The following E2F5 variants were observed in gnomAD, a reference collection of about 807,000 sequenced individuals.
E2F5 encodes the protein transcription factor E2F5.
Under a neutral mutation model 39.1 loss-of-function variants are expected in E2F5, and 23 were observed. The ratio of observed to expected loss-of-function variants is 0.59; its 90% CI spans 0.42 to 0.83. The LOEUF (loss-of-function observed/expected upper bound fraction) is 0.83, where lower values mean the gene tolerates loss of function less well. Ranked by LOEUF, E2F5 falls within the 40% of genes least tolerant of loss-of-function variation. E2F5 has a pLI of 0.00. For synonymous variants in E2F5, 145 were observed against 157.8 expected (o/e 0.92, Z 0.61); for missense variants, 365 against 406.7 (o/e 0.90, Z 0.88).
At chr8:85,184,079 A>T (rs1349745090) in intron 1 of E2F5, among the ~76,000 whole-genome samples, 2 of 152,120 alleles carry the variant, frequency 1.3e-5, no homozygotes, top group Non-Finnish European at 1.5e-5. Flanking sequence ...AAAAAAAGAA[A>T]ATGTCAGGCC....
At chr8:85,178,040 A>G (rs913289879) in intron 1 of E2F5, 1 of 154,694 alleles carries the variant, frequency 6.5e-6, no homozygotes, top group African/African-American at 2.4e-5. Context: ...GCCCGGAGAC[A>G]CCGTGGATAT....
At chr8:85,191,948 C>T (rs555527117) in intron 1 of E2F5, among the ~76,000 whole-genome samples, 1 of 152,166 alleles carries the variant, frequency 6.6e-6, no homozygotes, top group Non-Finnish European at 1.5e-5. Context: ...CATGTGGGTA[C>T]ATTTGAGAGG....
At chr8:85,186,874 A>G (rs1476944497) in intron 1 of E2F5, among the ~76,000 whole-genome samples, 2 of 148,830 alleles carry the variant, frequency 1.3e-5, no homozygotes, top group Admixed American at 6.7e-5. Context: ...TATAAGGTGT[A>G]TATATATGGT....
At chr8:85,209,118 T>G in intron 5 of E2F5, 24 bp from the exon 6 acceptor site, 1 of 1,605,364 alleles carries the variant, frequency 6.2e-7, no homozygotes, top group African/African-American at 1.3e-5. Flanking sequence ...ATTATACATT[T>G]GTTTATACCC....
At position 85,186,547 on chromosome 8, in the gene E2F5, G is replaced by GTA. The variant is rs1392579580; in HGVS notation, c.234+8898_234+8899dup. 8.8e-5 allele frequency among the ~76,000 whole-genome samples: 13 copies of GTA among 148,492 alleles called. 1 individual carries two copies. The highest frequency in any genetic ancestry group is 3.2e-4 in the African/African-American group (13 of 40,404). ...TATATGTACGGTATATATATATATG[G>GTA]TATATACATAAGGTATATATATGGT... is the stretch of plus-strand genomic sequence containing the variant. On this transcript the variant is annotated intron_variant, in intron 1 of 7. Coordinates refer to ENST00000416274, the MANE Select transcript of E2F5 (RefSeq NM_001951.4).
At chr8:85,181,973 A>AT (rs1273794166) in intron 1 of E2F5, among the ~76,000 whole-genome samples, 1 of 145,880 alleles carries the variant, frequency 6.9e-6, no homozygotes, top group Non-Finnish European at 1.5e-5. Context: ...AAAAAAAAAA[A>AT]CATGGCTCAA....
intron 2 of E2F5, 45 bp from the exon 3 acceptor site, chr8:85,203,049 A>G (rs1050092784): frequency 7.5e-7 from 1 of 1,326,492 alleles, no homozygotes; most frequent in Non-Finnish European, 9.8e-7. Flanking sequence ...AGTGATATTA[A>G]CCTAGATCTG....
chr8:85,178,543 G>A (rs1440383841), intron 1 of E2F5, among the ~76,000 whole-genome samples: 1 of 152,172 alleles, frequency 6.6e-6, no homozygotes, highest in Non-Finnish European at 1.5e-5. Flanking sequence ...CACTCCGCGC[G>A]AAGTTTAAGA....
In E2F5 at chr8:85,177,861, G is replaced by A. The variant is rs537366838; in HGVS notation, c.234+207G>A. 18 of 920,896 alleles carry A rather than the reference G, an allele frequency of 2.0e-5. No individual in the cohort carries two copies. The African/African-American group carries it at 3.0e-4, about 15-fold the overall frequency. 57.0% of individuals were successfully genotyped at this position (920,896 alleles called of 1,614,324 possible). On this transcript the variant is annotated intron_variant, in intron 1 of 7. Coordinates refer to ENST00000416274, the MANE Select transcript of E2F5 (RefSeq NM_001951.4). ...CGAGGGACCAGGATGGCACCGAGCG[G>A]ACGCGTAACCAATGGGGCCCGGCGC...
At chr8:85,191,842 T>C (rs891098609) in intron 1 of E2F5, among the ~76,000 whole-genome samples, 1 of 152,222 alleles carries the variant, frequency 6.6e-6, no homozygotes, top group African/African-American at 2.4e-5. Context: ...GCCAGTCCAT[T>C]ATAAGCTTTC....
Position 85,214,438 on chromosome 8 carries a change from T to C in E2F5, c.*576T>C. 1 of 716,234 alleles carries C rather than the reference T, an allele frequency of 1.4e-6. No individual in the cohort carries two copies. The highest frequency in any genetic ancestry group is 1.8e-5 in the African/African-American group (1 of 55,400). 44.4% of individuals were successfully genotyped at this position (716,234 alleles called of 1,614,324 possible). ...TTTCCTAGGTTATAGGAAAGATCTGTTTATGTAGTTTGTTTTTAAAATGTG... is the reference window on the plus strand; with the variant it reads ...TTTCCTAGGTTATAGGAAAGATCTGCTTATGTAGTTTGTTTTTAAAATGTG... On this transcript the variant is annotated 3_prime_UTR_variant, in exon 8 of 8. Coordinates refer to ENST00000416274, the MANE Select transcript of E2F5 (RefSeq NM_001951.4).
At chr8:85,190,902 G>A (rs141424589) in intron 1 of E2F5, among the ~76,000 whole-genome samples, 17 of 152,256 alleles carry the variant, frequency 1.1e-4, no homozygotes, top group East Asian at 9.7e-4. Context: ...AACCAAAGAG[G>A]TGGAAGCTTG....
intron 1 of E2F5, among the ~76,000 whole-genome samples, chr8:85,192,087 CAG>C: frequency 6.6e-6 from 1 of 152,106 alleles, no homozygotes; most frequent in Non-Finnish European, 1.5e-5. Context: ...GTGGAAGTGA[CAG>C]AACCTGGTGC....
intron 4 of E2F5, among the ~76,000 whole-genome samples, chr8:85,207,182 G>A (rs1297761165): frequency 2.0e-5 from 3 of 152,252 alleles, no homozygotes; most frequent in Middle Eastern, 3.4e-3. Context: ...AGCTGAATTT[G>A]TTAATGAGAA....
chr8:85,201,238 A>C (rs1812692931), intron 1 of E2F5, among the ~76,000 whole-genome samples: 1 of 152,224 alleles, frequency 6.6e-6, no homozygotes, highest in Non-Finnish European at 1.5e-5. Flanking sequence ...GAGAGCTGTT[A>C]GCAATTATGT....
In E2F5 at chr8:85,203,102, G is replaced by T; in HGVS notation, c.353G>T (p.Gly118Val). The change falls in exon 3 of 8, where the codon GGT (glycine) becomes GTT (valine). Residue 118 changes from glycine (G) to valine (V), a missense_variant. Physicochemically the swap from Gly to Val is moderately radical, Grantham distance 109 (BLOSUM62 -3). Coordinates refer to ENST00000416274, the MANE Select transcript of E2F5 (RefSeq NM_001951.4). Reference sequence around the variant, plus strand: ...TCTCATATGTTTTTAAGAGGTGTAGGTGCTGGCTGTAATACTAAAGAAGTC... The same window carrying T: ...TCTCATATGTTTTTAAGAGGTGTAGTTGCTGGCTGTAATACTAAAGAAGTC... ...SKNSIQWKGV[G>V]AGCNTKEVID... The T allele has an allele frequency of 6.5e-7, 1 of 1,541,570 alleles. No individual in the cohort carries two copies. Among genetic ancestry groups the T allele is most frequent in the Non-Finnish European group, 8.7e-7 (1 of 1,143,090 alleles).
chr8:85,177,608 T>C lies in E2F5; in HGVS notation c.188T>C (p.Val63Ala). ...KSLGLLTTKF[V>A]SLLQEAKDGV... ...CTGGGGCTGCTCACTACCAAGTTCGTGTCGCTGCTGCAGGAGGCCAAGGAC... is the reference window on the plus strand; with the variant it reads ...CTGGGGCTGCTCACTACCAAGTTCGCGTCGCTGCTGCAGGAGGCCAAGGAC... The change falls in exon 1 of 8, where the codon GTG becomes GCG. Residue 63 changes from valine to alanine, a missense_variant. Transcript: ENST00000416274. The C allele has an allele frequency of 7.7e-7, 1 of 1,297,618 alleles. No individual in the cohort carries two copies. The highest frequency in any genetic ancestry group is 9.8e-7 in the Non-Finnish European group (1 of 1,018,190). 80.4% of individuals were successfully genotyped at this position (1,297,618 alleles called of 1,614,324 possible). A position where few individuals can be genotyped will look rare whatever the true frequency, so the allele number is the denominator to read the frequency against.
intron 7 of E2F5, chr8:85,213,111 T>G (rs1812978645): frequency 6.6e-6 from 1 of 150,498 alleles, no homozygotes. Flanking sequence ...TTGGCCAGGC[T>G]GGTCTCAAAC....
chr8:85,177,308 C>T lies in E2F5; in HGVS notation c.-113C>T. On this transcript the variant is annotated 5_prime_UTR_variant, in exon 1 of 8. Transcript: ENST00000416274. ...TGCAGCAGCCAGCGACCCGCACTAC[C>T]GCTCTCGGCGGGCGGGGAAGCGGCC... 2.3e-6 allele frequency: 2 copies of T among 887,014 alleles called. No individual in the cohort carries two copies. Among genetic ancestry groups the T allele is most frequent in the South Asian group, 1.0e-4 (2 of 19,370 alleles). 54.9% of individuals were successfully genotyped at this position (887,014 alleles called of 1,614,324 possible).
Sources: allele counts gnomAD v4.1 joint callset (sites outside exome capture counted in the v4.1 genomes callset), GRCh38; gene constraint gnomAD v4.1.1; transcripts MANE v1.5; gene names NCBI Gene and HGNC (gene_info 2026-07-23, HGNC 2026-07-21).